HS3ST4: variants seen among roughly 807,000 people sequenced by gnomAD.
HS3ST4 encodes the protein heparan sulfate glucosamine 3-O-sulfotransferase 4.
In HS3ST4, 17 loss-of-function variants were observed where a neutral mutation model predicts 29.2. The ratio of observed to expected loss-of-function variants is 0.58; its 90% confidence interval spans 0.40 to 0.87. The LOEUF is 0.87. Ranked by LOEUF, HS3ST4 falls within the 40% of genes least tolerant of loss-of-function variation. The pLI is 0.00. For synonymous variants in HS3ST4, 314 were observed against 285.7 expected (o/e 1.10, Z -1.00); for missense variants, 627 against 634.5 (o/e 0.99, Z 0.13).
intron 1 of HS3ST4, among the ~76,000 whole-genome samples, chr16:25,906,903 A>T (rs1968185475): frequency 6.6e-6 from 1 of 152,268 alleles, no homozygotes; most frequent in South Asian, 2.1e-4. Context: ...TTGATTAAAG[A>T]TTATGCTGGG....
At chr16:26,079,923 G>A (rs992173816) in intron 1 of HS3ST4, among the ~76,000 whole-genome samples, 1 of 152,164 alleles carries the variant, frequency 6.6e-6, no homozygotes. Context: ...ATGTTTTGGG[G>A]AGCCAATATT....
chr16:25,818,723 C>T (rs1169766390), intron 1 of HS3ST4, among the ~76,000 whole-genome samples: 1 of 152,104 alleles, frequency 6.6e-6, no homozygotes, highest in African/African-American at 2.4e-5. Context: ...ACTACCTGGG[C>T]GTCTACATTT....
chr16:25,716,575 G>C (rs1302412808), intron 1 of HS3ST4, among the ~76,000 whole-genome samples: 2 of 152,200 alleles, frequency 1.3e-5, no homozygotes, highest in Non-Finnish European at 2.9e-5. Context: ...GCTAAGACAG[G>C]CATACATTTC....
At chr16:25,882,649 A>T (rs1967905751) in intron 1 of HS3ST4, among the ~76,000 whole-genome samples, 1 of 152,126 alleles carries the variant, frequency 6.6e-6, no homozygotes, top group Admixed American at 6.6e-5. Context: ...AGATTTTTCG[A>T]GCCACTGTTC....
rs1008301810 is a variant in HS3ST4 at position 26,014,612 on chromosome 16, A to G, written c.735-121000A>G. On this transcript the variant is annotated intron_variant, in intron 1 of 1. Coordinates refer to ENST00000331351, the MANE Select transcript of HS3ST4 (RefSeq NM_006040.3). ...ACACTGTATTTCATTTTCTGCTCCT[A>G]CTTTAGTTCACCTAGGATAATGGCC... Among the ~76,000 whole-genome samples, 15 of 152,170 alleles carry G rather than the reference A, an allele frequency of 9.9e-5. 1 individual carries two copies. Among genetic ancestry groups the G allele is most frequent in the African/African-American group, 3.4e-4 (14 of 41,508 alleles).
intron 1 of HS3ST4, among the ~76,000 whole-genome samples, chr16:26,076,287 G>T (rs907298363): frequency 1.3e-5 from 2 of 152,326 alleles, no homozygotes; most frequent in Admixed American, 6.5e-5. Context: ...CGGTGTTTAG[G>T]TTAACTTGGC....
intron 1 of HS3ST4, among the ~76,000 whole-genome samples, chr16:25,707,169 C>T (rs190158416): frequency 1.3e-5 from 2 of 152,108 alleles, no homozygotes; most frequent in African/African-American, 4.8e-5. Context: ...TAATGATGGC[C>T]CCAGAGTGCA....
At chr16:25,694,799 T>C (rs570437989) in intron 1 of HS3ST4, among the ~76,000 whole-genome samples, 1 of 152,174 alleles carries the variant, frequency 6.6e-6, no homozygotes, top group Non-Finnish European at 1.5e-5. Context: ...ATTTTAGAAT[T>C]ATGAGAATTG....
chr16:25,970,268 A>G (rs996491592), intron 1 of HS3ST4, among the ~76,000 whole-genome samples: 1 of 152,224 alleles, frequency 6.6e-6, no homozygotes, highest in Non-Finnish European at 1.5e-5. Flanking sequence ...CAAGATGGAA[A>G]TGGGACAACC....
rs554011931 is a variant in HS3ST4 at position 25,931,049 on chromosome 16, A to C, written c.735-204563A>C. The stretch of plus-strand genomic sequence containing the variant: ...TGGCTTCTCAAAGTGCTGGGATTAC[A>C]GGTGTGAGCAACTGTGCCCAACCAA... On this transcript the variant is annotated intron_variant, in intron 1 of 1. Transcript: ENST00000331351. Among the ~76,000 whole-genome samples, 4 of 152,340 alleles carry C rather than the reference A, an allele frequency of 2.6e-5. No individual in the cohort carries two copies. In the South Asian group the frequency reaches 6.2e-4, roughly 24 times the overall value.
At chr16:25,868,357 C>T (rs547942140) in intron 1 of HS3ST4, among the ~76,000 whole-genome samples, 1 of 152,270 alleles carries the variant, frequency 6.6e-6, no homozygotes, top group South Asian at 2.1e-4. Context: ...GATGCAACAG[C>T]AGGCATCACA....
intron 1 of HS3ST4, among the ~76,000 whole-genome samples, chr16:26,042,159 C>A (rs1969641335): frequency 6.6e-6 from 1 of 152,180 alleles, no homozygotes; most frequent in Admixed American, 6.5e-5. Context: ...CATCCTGCCT[C>A]CAGCGTTCTG....
At chr16:26,032,850 C>T (rs542158971) in intron 1 of HS3ST4, 143 of 1,562,386 alleles carry the variant, frequency 9.2e-5, no homozygotes, top group African/African-American at 6.9e-4. Flanking sequence ...AGGTGCTGGA[C>T]GCGGGATGCA....
At chr16:25,735,669 G>A (rs1966604069) in intron 1 of HS3ST4, among the ~76,000 whole-genome samples, 1 of 152,174 alleles carries the variant, frequency 6.6e-6, no homozygotes, top group African/African-American at 2.4e-5. Flanking sequence ...GGGGATTACG[G>A]GTATGAGCCA....
At chr16:25,721,519 C>T (rs62034431) in intron 1 of HS3ST4, among the ~76,000 whole-genome samples, 11,505 of 152,176 alleles carry the variant, frequency 0.076, 487 homozygotes, top group Non-Finnish European at 0.085. Flanking sequence ...ACATTTCCAG[C>T]TTGTCTGACT....
intron 1 of HS3ST4, among the ~76,000 whole-genome samples, chr16:25,829,684 C>T (rs890649561): frequency 2.0e-5 from 3 of 152,148 alleles, no homozygotes; most frequent in Non-Finnish European, 4.4e-5. Flanking sequence ...TGGTTTTCTG[C>T]TCCTGTGTTA....
intron 1 of HS3ST4, among the ~76,000 whole-genome samples, chr16:25,872,015 G>C (rs1967759133): frequency 6.6e-6 from 1 of 152,126 alleles, no homozygotes; most frequent in South Asian, 2.1e-4. Context: ...CCTAATTCCA[G>C]CTCCTGATAC....
At chr16:26,033,071 C>T (rs973977264) in intron 1 of HS3ST4, among the ~76,000 whole-genome samples, 9 of 152,054 alleles carry the variant, frequency 5.9e-5, no homozygotes, top group Non-Finnish European at 2.9e-5. Flanking sequence ...CGACAGACTG[C>T]GAAATTAAGT....
At chr16:25,772,878 C>T (rs899981800) in intron 1 of HS3ST4, among the ~76,000 whole-genome samples, 4 of 152,140 alleles carry the variant, frequency 2.6e-5, no homozygotes, top group Admixed American at 2.0e-4. Flanking sequence ...GATGGAGAAA[C>T]GGCCATGGCA....
Sources: allele counts gnomAD v4.1 joint callset (sites outside exome capture counted in the v4.1 genomes callset), GRCh38; gene constraint gnomAD v4.1.1; transcripts MANE v1.5; gene names NCBI Gene and HGNC (gene_info 2026-07-23, HGNC 2026-07-21).